The following ZNF91 variants were observed in gnomAD, a reference collection of about 807,000 sequenced individuals.
The protein encoded by ZNF91 is zinc finger protein 91.
Under a neutral mutation model 12.6 loss-of-function variants are expected in ZNF91, and 7 were observed. The observed-to-expected ratio is 0.55, with a 90% CI of 0.31 to 1.04. The LOEUF (loss-of-function observed/expected upper bound fraction) is 1.04. Ranked by LOEUF, ZNF91 falls within the 50% of genes least tolerant of loss-of-function variation. The pLI is 0.05. For missense variants in ZNF91, 1,217 were observed against 1,385.4 expected (o/e 0.88, Z 1.93); for synonymous variants, 453 against 462.6 (o/e 0.98, Z 0.27).
intron 1 of ZNF91, chr19:23,324,094 TTCCTTTCC>T (rs1381318308): frequency 3.4e-5 from 5 of 149,238 alleles, no homozygotes; most frequent in African/African-American, 5.0e-5. Flanking sequence ...CCTCCTTCTC[TTCCTTTCC>T]TCCTTTCCTC....
intron 1 of ZNF91, chr19:23,380,602 AAAAC>A (rs1324004280): frequency 2.0e-5 from 3 of 152,150 alleles, no homozygotes; most frequent in African/African-American, 7.2e-5. Flanking sequence ...TTGAGAGAAA[AAAAC>A]AAGTTAAAAG....
chr19:23,393,983 GCAAGGCTCTGTCT>G, intron 1 of ZNF91, among the ~76,000 whole-genome samples: 1 of 152,310 alleles, frequency 6.6e-6, no homozygotes, highest in South Asian at 2.1e-4. Flanking sequence ...GGGTGACAGA[GCAAGGCTCTGTCT>G]CAAAAATTAA....
In ZNF91 at chr19:23,362,740, C is replaced by T. The variant is rs547347081; in HGVS notation, c.254-15G>A. Reference sequence around the variant, plus strand: ...AGGACATATACCTGAAAAAAAAAAACTAAAAATAATAAATTACTCCACTCA... The same window carrying T: ...AGGACATATACCTGAAAAAAAAAAATTAAAAATAATAAATTACTCCACTCA... On this transcript the variant is annotated splice_polypyrimidine_tract_variant and intron_variant, in intron 3 of 3. Coordinates refer to ENST00000300619, the MANE Select transcript of ZNF91 (RefSeq NM_003430.4). 1 of 1,393,428 alleles carries T rather than the reference C, an allele frequency of 7.2e-7. No individual in the cohort carries two copies. Among genetic ancestry groups the T allele is most frequent in the East Asian group, 2.4e-5 (1 of 41,214 alleles). The allele number at this position is 1,393,428 out of a possible 1,614,324, so 86.3% of individuals were successfully genotyped here. A position where few individuals can be genotyped will look rare whatever the true frequency, so the allele number is the denominator to read the frequency against.
At position 23,365,258 on chromosome 19, in the gene ZNF91, TAA is replaced by T. The variant is rs551473905; in HGVS notation, c.254-2535_254-2534del. Among the ~76,000 whole-genome samples, 606 of 142,008 alleles carry T rather than the reference TAA, an allele frequency of 4.3e-3. 7 individuals carry two copies. The highest frequency in any genetic ancestry group is 0.015 in the African/African-American group (582 of 38,652). The allele number at this position is 142,008 out of a possible 152,430, so 93.2% of individuals were successfully genotyped here. ...AGATGAAAATAAAAAATTTCCAAAATAAAAAGTGAGCGTGTTCATCACCACTA... is the reference window on the plus strand; with the variant it reads ...AGATGAAAATAAAAAATTTCCAAAATAAAGTGAGCGTGTTCATCACCACTA... On this transcript the variant is annotated intron_variant, in intron 3 of 3. Transcript: ENST00000300619.
chr19:23,364,319 T>A (rs1291639411), intron 3 of ZNF91, among the ~76,000 whole-genome samples: 1 of 152,184 alleles, frequency 6.6e-6, no homozygotes, highest in African/African-American at 2.4e-5. Context: ...TGGTGGCACA[T>A]GCCTGTAATC....
chr19:23,335,551 C>T (rs1416633627), downstream of ZNF91, among the ~76,000 whole-genome samples: 1 of 152,186 alleles, frequency 6.6e-6, no homozygotes, highest in Non-Finnish European at 1.5e-5. Flanking sequence ...AACCTCGCTG[C>T]CACCTTGCAG....
chr19:23,313,893 C>T (rs1050211828), upstream of ZNF91, among the ~76,000 whole-genome samples: 3 of 152,038 alleles, frequency 2.0e-5, no homozygotes, highest in African/African-American at 7.2e-5. Flanking sequence ...GTACTTAGAC[C>T]CAACATACAA....
intron 3 of ZNF91, among the ~76,000 whole-genome samples, chr19:23,347,419 C>A (rs2145019165): frequency 1.3e-5 from 2 of 152,238 alleles, no homozygotes; most frequent in South Asian, 4.2e-4. Context: ...CCAGACAATC[C>A]TATTTTGGTG....
chr19:23,305,919 A>G (rs1967391522), intron 3 of ZNF91, among the ~76,000 whole-genome samples: 1 of 152,212 alleles, frequency 6.6e-6, no homozygotes, highest in Admixed American at 6.5e-5. Context: ...AACATTCTAT[A>G]CCTATGTTCC....
At chr19:23,365,137 TA>T (rs1968951082) in intron 3 of ZNF91, among the ~76,000 whole-genome samples, 2 of 150,802 alleles carry the variant, frequency 1.3e-5, no homozygotes, top group Non-Finnish European at 3.0e-5. Context: ...TACTTGAAAA[TA>T]AAAAAAGGTG....
At chr19:23,317,517 C>A (rs1180767667) in intron 1 of ZNF91, among the ~76,000 whole-genome samples, 1 of 152,102 alleles carries the variant, frequency 6.6e-6, no homozygotes, top group Non-Finnish European at 1.5e-5. Flanking sequence ...TGCATAAAGC[C>A]CTCTGGTGCT....
At chr19:23,323,650 CTCCTCCTCCTT>C (rs1967764419) in intron 1 of ZNF91, among the ~76,000 whole-genome samples, 5 of 128,946 alleles carry the variant, frequency 3.9e-5, no homozygotes, top group Middle Eastern at 4.4e-3. Flanking sequence ...CTCTTCTCCT[CTCCTCCTCCTT>C]TCCTCTTCTC....
intron 1 of ZNF91, among the ~76,000 whole-genome samples, chr19:23,330,262 T>C (rs1275462999): frequency 6.7e-6 from 1 of 150,342 alleles, no homozygotes; most frequent in African/African-American, 2.5e-5. Flanking sequence ...ACCTGGGAGG[T>C]GGAGGTTGCA....
At chr19:23,365,983 A>G (rs563062395) in intron 3 of ZNF91, among the ~76,000 whole-genome samples, 1,793 of 152,360 alleles carry the variant, frequency 0.012, 32 homozygotes, top group African/African-American at 0.041. Context: ...ACACAGACAC[A>G]GCAACCATCC....
At chr19:23,362,851 A>G in intron 3 of ZNF91, 126 bp from the exon 4 acceptor site, 1 of 1,225,434 alleles carries the variant, frequency 8.2e-7, no homozygotes, top group Non-Finnish European at 1.0e-6. Context: ...AAAATACCAC[A>G]GGCCCTAATT....
intron 3 of ZNF91, among the ~76,000 whole-genome samples, chr19:23,369,858 C>T (rs1969200609): frequency 1.3e-5 from 2 of 151,194 alleles, no homozygotes; most frequent in Admixed American, 6.6e-5. Flanking sequence ...CCCAGGGACA[C>T]AAACACTGCG....
chr19:23,354,235 A>T (rs29989), downstream of ZNF91, among the ~76,000 whole-genome samples: 70,952 of 151,968 alleles, frequency 0.47, 17,373 homozygotes, highest in East Asian at 0.82. Context: ...GTCGAAAAGA[A>T]TATCCAACAA....
At chr19:23,350,810 C>G (rs1231067852) in intron 3 of ZNF91, among the ~76,000 whole-genome samples, 1 of 152,128 alleles carries the variant, frequency 6.6e-6, no homozygotes, top group Non-Finnish European at 1.5e-5. Context: ...ACAGTTGCGT[C>G]AGACTGGGAC....
At chr19:23,332,824 G>A (rs1402035318) in intron 1 of ZNF91, among the ~76,000 whole-genome samples, 2 of 152,112 alleles carry the variant, frequency 1.3e-5, no homozygotes, top group African/African-American at 4.8e-5. Context: ...TGACTGACTT[G>A]GATTTGTGTG....
Sources: gnomAD v4.1 joint callset for allele counts (sites outside exome capture counted in the v4.1 genomes callset) on GRCh38, gnomAD v4.1.1 for gene constraint, MANE v1.5 for transcripts, NCBI Gene and HGNC (gene_info 2026-07-23, HGNC 2026-07-21) for gene names.